NIPBL: variants seen among roughly 807,000 people sequenced by gnomAD.
NIPBL encodes NIPBL cohesin loading factor, also known as nipped-B-like protein.
Under a neutral mutation model 321.8 loss-of-function variants are expected in NIPBL, and 19 were observed. The ratio of observed to expected loss-of-function variants is 0.06; its 90% CI spans 0.04 to 0.09. NIPBL has a LOEUF of 0.09. Among genes scored for constraint, NIPBL ranks in the 10% least tolerant of loss-of-function variants. The pLI, the probability that NIPBL is intolerant of heterozygous loss-of-function variation, is 1.00. For synonymous variants in NIPBL, 1,106 were observed against 1,114.1 expected, an observed-to-expected ratio of 0.99 and a Z score of 0.14; for missense variants, 2,210 against 3,327.0, an observed-to-expected ratio of 0.66 and a Z score of 8.26.
chr5:37,009,369 G>A (rs1379609196), intron 20 of NIPBL, among the ~76,000 whole-genome samples: 1 of 152,122 alleles, frequency 6.6e-6, no homozygotes, highest in Non-Finnish European at 1.5e-5. Context: ...TATTGTCTTT[G>A]CCATCATAGA....
At position 36,876,806 on chromosome 5, in the gene NIPBL, A is replaced by G. The variant is rs918969559; in HGVS notation, c.-452A>G. 2.5e-6 allele frequency: 1 copy of G among 396,502 alleles called. No homozygotes were observed. The highest frequency in any genetic ancestry group is 2.1e-5 in the African/African-American group (1 of 48,416). The allele number at this position is 396,502 out of a possible 1,614,324, so 24.6% of individuals were successfully genotyped here. On this transcript the variant is annotated 5_prime_UTR_variant, in exon 1 of 47. Transcript: ENST00000282516. ...GAGGGAGAGACGGAACGAGAGAGAG[A>G]CACACACAGGGCTCCTTCCCCCCGC...
chr5:36,925,843 TCTTA>T (rs1170173518), intron 1 of NIPBL, among the ~76,000 whole-genome samples: 1 of 152,202 alleles, frequency 6.6e-6, no homozygotes, highest in Non-Finnish European at 1.5e-5. Flanking sequence ...TGCTTTCCAT[TCTTA>T]CTTATTTCTG....
rs1372274577 is a variant in NIPBL, at chr5:36,899,555, A to T, written c.-80+22377A>T. 3.9e-5 allele frequency among the ~76,000 whole-genome samples: 6 copies of T among 152,344 alleles called. No homozygotes were observed. In the East Asian group the frequency reaches 1.2e-3, roughly 29 times the overall value. ...AGGAAATTCAGCTTAAAGCATTCAG[A>T]ACTTTGGCTGTTGTGCCCTTTCAAA... On this transcript the variant is annotated intron_variant, in intron 1 of 46. Transcript: ENST00000282516.
At position 37,052,717 on chromosome 5, in the gene NIPBL, A is replaced by G. The variant is rs906479348; in HGVS notation, c.7263+151A>G. ...ATCTTCTAAGTTATTTACAAAGTAC[A>G]CAGTCAGAAGTGAAGGGGAAATTTT... On this transcript the variant is annotated intron_variant, in intron 42 of 46. Transcript: ENST00000282516. 4 of 679,182 alleles carry G rather than the reference A, an allele frequency of 5.9e-6. No individual in the cohort carries two copies. In the African/African-American group the frequency reaches 7.2e-5, roughly 12 times the overall value. 42.1% of individuals were successfully genotyped at this position (679,182 alleles called of 1,614,324 possible).
intron 1 of NIPBL, among the ~76,000 whole-genome samples, chr5:36,947,922 A>G (rs999642518): frequency 6.6e-6 from 1 of 151,900 alleles, no homozygotes; most frequent in Non-Finnish European, 1.5e-5. Context: ...AGCTTGGTTG[A>G]TGAGCTTATG....
At chr5:36,910,027 G>A (rs993365097) in intron 1 of NIPBL, among the ~76,000 whole-genome samples, 5 of 151,074 alleles carry the variant, frequency 3.3e-5, no homozygotes, top group African/African-American at 1.2e-4. Context: ...AGTGAGCGGA[G>A]ATCACGCCAC....
chr5:37,045,744 G>C, intron 37 of NIPBL, 147 bp downstream of exon 37: 1 of 809,616 alleles, frequency 1.2e-6, no homozygotes, highest in Non-Finnish European at 2.0e-6. Flanking sequence ...TCAAAACGTG[G>C]TCCTCAGACT....
chr5:37,018,494 T>C (rs1011005166), intron 24 of NIPBL, among the ~76,000 whole-genome samples: 27 of 152,130 alleles, frequency 1.8e-4, no homozygotes, highest in African/African-American at 5.8e-4. Context: ...AGGCAGATCT[T>C]TTACCTTCCC....
chr5:36,928,995 T>TA (rs1290271886), intron 1 of NIPBL, among the ~76,000 whole-genome samples: 1 of 152,176 alleles, frequency 6.6e-6, no homozygotes, highest in Non-Finnish European at 1.5e-5. Flanking sequence ...TGTGTAGACA[T>TA]ACGTTTTTAT....
Position 37,052,534 on chromosome 5 carries a change from A to G in NIPBL, c.7231A>G (p.Ile2411Val). 2 of 1,614,134 alleles carry G rather than the reference A, an allele frequency of 1.2e-6. No homozygotes were observed. Among genetic ancestry groups the G allele is most frequent in the Non-Finnish European group, 1.7e-6 (2 of 1,180,010 alleles). The stretch of plus-strand genomic sequence containing the variant: ...CCGCCAACACAGACGAGCCTTTCTT[A>G]TTTCTTTACTCAACCTCTTTGATGA... The part of the protein sequence containing the change: ...GNRQHRRAFL[I>V]SLLNLFDDTA... The change falls in exon 42 of 47, where the codon ATT becomes GTT. Residue 2411 changes from isoleucine to valine, a missense_variant. This residue lies in a region of NIPBL where 112 missense variants were observed against 288.3 expected (regional missense o/e 0.39). Transcript: ENST00000282516.
At chr5:36,971,895 A>G (rs757492640) in intron 7 of NIPBL, 50 bp from the exon 8 acceptor site, 6 of 1,566,786 alleles carry the variant, frequency 3.8e-6, no homozygotes, top group Admixed American at 1.7e-5. Flanking sequence ...TAAGATTTCT[A>G]TAAAGCCTCT....
chr5:36,958,175 C>G lies in NIPBL; in HGVS notation c.302C>G (p.Ala101Gly), dbSNP rs986024813. 6.2e-7 allele frequency: 1 copy of G among 1,613,882 alleles called. No individual in the cohort carries two copies. The highest frequency in any genetic ancestry group is 8.5e-7 in the Non-Finnish European group (1 of 1,179,924). ...CCAGTCTTGTTGCAGGCCGTCCTGGCAAGGAGTCCTAATGTTTTCAGGGAG... is the reference window on the plus strand; with the variant it reads ...CCAGTCTTGTTGCAGGCCGTCCTGGGAAGGAGTCCTAATGTTTTCAGGGAG... Reference protein sequence around the residue: ...DIPVLLQAVLARSPNVFREKS... With the variant: ...DIPVLLQAVLGRSPNVFREKS... Residue 101 changes from alanine to glycine, a missense_variant, in exon 4 of 47, where the codon GCA (alanine) becomes GGA (glycine). Ala to Gly is a moderately conservative substitution (Grantham distance 60, BLOSUM62 0). Transcript: ENST00000282516.
In NIPBL at chr5:36,971,955, C is replaced by T. The variant is rs1308185746; in HGVS notation, c.782C>T (p.Ser261Phe). The change falls in exon 8 of 47, where the codon TCT (serine) becomes TTT (phenylalanine). Residue 261 changes from serine to phenylalanine, a missense_variant. By Grantham distance (155) the Ser-to-Phe change is radical. Transcript: ENST00000282516. ...ATACTCTATTTTTAGGATGGAGATT[C>T]TTCAACAATGAGGAATGCTGCATCT... The part of the protein sequence containing the change: ...VHRLSSDDGD[S>F]STMRNAASFP... 2 of 1,612,736 alleles carry T rather than the reference C, an allele frequency of 1.2e-6. No individual in the cohort carries two copies. Among genetic ancestry groups the T allele is most frequent in the South Asian group, 2.2e-5 (2 of 91,014 alleles).
chr5:37,058,747 T>C, intron 43 of NIPBL, 144 bp from the exon 44 acceptor site: 1 of 660,724 alleles, frequency 1.5e-6, no homozygotes. Flanking sequence ...TCCCCTAAGA[T>C]TACATATCCA....
chr5:36,929,577 C>T (rs1219280795), intron 1 of NIPBL, among the ~76,000 whole-genome samples: 1 of 151,962 alleles, frequency 6.6e-6, no homozygotes, highest in East Asian at 1.9e-4. Context: ...TCCAGTTTAT[C>T]AGTTTTATCT....
intron 8 of NIPBL, among the ~76,000 whole-genome samples, chr5:36,973,340 A>T (rs1048250957): frequency 1.3e-5 from 2 of 151,306 alleles, no homozygotes; most frequent in Non-Finnish European, 2.9e-5. Context: ...TTTTTCAAAA[A>T]TTTTTTAAAA....
intron 2 of NIPBL, 43 bp from the exon 3 acceptor site, chr5:36,955,429 T>C (rs749814182): frequency 6.5e-7 from 1 of 1,527,620 alleles, no homozygotes; most frequent in Non-Finnish European, 9.1e-7. Flanking sequence ...AAGAGACTTC[T>C]ATAGTCACTC....
Position 36,976,234 on chromosome 5 carries a change from G to A in NIPBL, c.1327G>A (p.Val443Ile). Reference sequence around the variant, plus strand: ...GCCTGTTTTACAACAGAACACTTCAGTTGCTGCAAAACAACCCCAGACTTC... The same window carrying A: ...GCCTGTTTTACAACAGAACACTTCAATTGCTGCAAAACAACCCCAGACTTC... ...QVPVLQQNTSVAAKQPQTSVV... is the reference protein window; with the variant it reads ...QVPVLQQNTSIAAKQPQTSVV... The change falls in exon 9 of 47, where the codon GTT (valine) becomes ATT (isoleucine). Residue 443 changes from valine (V) to isoleucine (I), a missense_variant. By Grantham distance (29) the Val-to-Ile change is conservative. Coordinates refer to ENST00000282516, the MANE Select transcript of NIPBL (RefSeq NM_133433.4). The A allele has an allele frequency of 6.2e-7, 1 of 1,613,764 alleles. No individual in the cohort carries two copies. The highest frequency in any genetic ancestry group is 1.7e-5 in the Admixed American group (1 of 59,954).
rs557537585 is a variant in NIPBL at position 36,891,415 on chromosome 5, G to C, written c.-80+14237G>C. On this transcript the variant is annotated intron_variant, in intron 1 of 46. Transcript: ENST00000282516. ...GTGCAGTTGGAGCACTGGTGGTAGG[G>C]GTGGTCACCTAATTTAGACTAGTGT... 5.3e-5 allele frequency among the ~76,000 whole-genome samples: 8 copies of C among 152,292 alleles called. No homozygotes were observed. In the South Asian group the frequency reaches 1.7e-3, roughly 32 times the overall value.
Sources: gnomAD v4.1 joint callset for allele counts (sites outside exome capture counted in the v4.1 genomes callset) on GRCh38, gnomAD v4.1.1 for gene constraint, gnomAD v4.1.1 regional missense constraint, MANE v1.5 for transcripts, NCBI Gene and HGNC (gene_info 2026-07-23, HGNC 2026-07-21) for gene names.